SNX31: variants seen among roughly 807,000 people sequenced by gnomAD.
The protein encoded by SNX31 is sorting nexin-31.
SNX31 carries 58 observed loss-of-function variants against 65.4 expected under a neutral mutation model. That is an observed-to-expected ratio of 0.89 (90% CI 0.72 to 1.10). SNX31 has a LOEUF of 1.10. Ranked by LOEUF, SNX31 falls within the 50% of genes least tolerant of loss-of-function variation. SNX31 has a pLI of 0.00. For missense variants in SNX31, 523 were observed against 529.7 expected (o/e 0.99, Z 0.12); for synonymous variants, 181 against 190.1 (o/e 0.95, Z 0.39).
rs1221434965 is a variant in SNX31, at chr8:100,660,166, A to G, written c.-58+2976T>C. On this transcript the variant is annotated intron_variant, in intron 1 of 5. Coordinates refer to the SNX31 transcript ENST00000520352. This position sits in a 1 kb window ranked among gnomAD's most constrained non-coding sequence, Gnocchi z 4.1. ...ATTAGTTACCTTTCTCTGAGCACTT[A>G]CCATCTTCCAGAGAACCATTTTACG... Among the ~76,000 whole-genome samples, 1 of 152,226 alleles carries G rather than the reference A, an allele frequency of 6.6e-6. No homozygotes were observed. The highest frequency in any genetic ancestry group is 1.9e-4 in the East Asian group (1 of 5,206).
In SNX31 at chr8:100,610,065, A is replaced by G. The variant is rs1816567553; in HGVS notation, c.612-1502T>C. On this transcript the variant is annotated intron_variant, in intron 7 of 13. Coordinates refer to ENST00000311812, the MANE Select transcript of SNX31 (RefSeq NM_152628.4). This position sits in a 1 kb window ranked among gnomAD's most constrained non-coding sequence, Gnocchi z 4.0. ...GAGGGCAAGGCACCTGCAGGAGCCT[A>G]TGCCAGAATCTCCCCTCCAGAGACC... 1.3e-5 allele frequency among the ~76,000 whole-genome samples: 2 copies of G among 152,248 alleles called. No individual in the cohort carries two copies. Among genetic ancestry groups the G allele is most frequent in the Admixed American group, 1.3e-4 (2 of 15,288 alleles).
intron 4 of SNX31, chr8:100,618,481 C>A: frequency 3.0e-6 from 2 of 656,558 alleles, no homozygotes; most frequent in South Asian, 3.7e-5. Context: ...CAATTCAATT[C>A]AATTATGACA....
In SNX31 at chr8:100,657,863, T is replaced by A. The variant is rs1431294540; in HGVS notation, c.-58+5279A>T. 3 of 393,594 alleles carry A rather than the reference T, an allele frequency of 7.6e-6. No individual in the cohort carries two copies. In the East Asian group the frequency reaches 2.4e-4, roughly 32 times the overall value. The allele number at this position is 393,594 out of a possible 1,614,324, so 24.4% of individuals were successfully genotyped here. A position where few individuals can be genotyped will look rare whatever the true frequency, so the allele number is the denominator to read the frequency against. On this transcript the variant is annotated intron_variant, in intron 1 of 5. Coordinates refer to the SNX31 transcript ENST00000520352. ...TCCAGCCTGGGTGACAAAGGTAGAC[T>A]CCATCTCAAAAGAAAACAAAAAAAC...
intron 11 of SNX31, among the ~76,000 whole-genome samples, chr8:100,584,649 T>TG (rs1192032169): frequency 6.6e-6 from 1 of 152,042 alleles, no homozygotes; most frequent in Non-Finnish European, 1.5e-5. Context: ...AACTGGTTTG[T>TG]TTGAAGGAAT....
At chr8:100,587,919 T>TA (rs1814198561) in intron 11 of SNX31, among the ~76,000 whole-genome samples, 1 of 152,162 alleles carries the variant, frequency 6.6e-6, no homozygotes, top group Admixed American at 6.5e-5. Context: ...GCAAACAACA[T>TA]AGAGTGTAGT....
At position 100,648,497 on chromosome 8, in the gene SNX31, T is replaced by C. The variant is rs1053277149; in HGVS notation, c.141+777A>G. Among the ~76,000 whole-genome samples the C allele has an allele frequency of 2.0e-5, 3 of 152,186 alleles. No homozygotes were observed. Among genetic ancestry groups the C allele is most frequent in the African/African-American group, 7.2e-5 (3 of 41,510 alleles). ...GTTTTTAATGTTAGGTATGTGCTGT[T>C]TATAACCTAAAATCTAAAACAAAAA... On this transcript the variant is annotated intron_variant, in intron 2 of 13. Transcript: ENST00000311812. This position sits in a 1 kb window ranked among gnomAD's most constrained non-coding sequence, Gnocchi z 4.3.
chr8:100,593,601 G>A (rs543973841), intron 10 of SNX31, among the ~76,000 whole-genome samples: 82 of 151,902 alleles, frequency 5.4e-4, no homozygotes, highest in African/African-American at 1.1e-3. Context: ...TTACAGATGC[G>A]CCCCACCACG....
chr8:100,593,993 G>A (rs1159764488), intron 10 of SNX31, among the ~76,000 whole-genome samples: 1 of 152,070 alleles, frequency 6.6e-6, no homozygotes, highest in Non-Finnish European at 1.5e-5. Flanking sequence ...AAAAGACCTT[G>A]TTTAAGAGGA....
chr8:100,580,289 T>G (rs2130786249), intron 12 of SNX31, among the ~76,000 whole-genome samples: 1 of 152,296 alleles, frequency 6.6e-6, no homozygotes, highest in South Asian at 2.1e-4. Flanking sequence ...CAGAAATTCC[T>G]TAGGAACACA....
chr8:100,640,140 T>TTTTCTTTTCTTTTCTTTTC (rs60457437), intron 2 of SNX31, among the ~76,000 whole-genome samples: 1 of 151,960 alleles, frequency 6.6e-6, no homozygotes, highest in African/African-American at 2.4e-5. Context: ...CTTTTCTTTT[T>TTTTCTTTTCTTTTCTTTTC]TTTGGAGACA....
upstream of SNX31, among the ~76,000 whole-genome samples, chr8:100,650,611 C>A (rs750949523): frequency 6.6e-6 from 1 of 152,162 alleles, no homozygotes; most frequent in African/African-American, 2.4e-5. Flanking sequence ...GTGCCTCCTG[C>A]GTGCTTGCTG....
Position 100,610,834 on chromosome 8 carries a change from G to A in SNX31, c.611+1166C>T, listed in dbSNP as rs966482765. Among the ~76,000 whole-genome samples, 4 of 152,176 alleles carry A rather than the reference G, an allele frequency of 2.6e-5. No homozygotes were observed. Among genetic ancestry groups the A allele is most frequent in the Admixed American group, 1.3e-4 (2 of 15,280 alleles). ...CCACAAACTGGAGCTCTAGAGCAAGGCATCACAAGGTCAAGGGAATTCTTA... is the reference window on the plus strand; with the variant it reads ...CCACAAACTGGAGCTCTAGAGCAAGACATCACAAGGTCAAGGGAATTCTTA... On this transcript the variant is annotated intron_variant, in intron 7 of 13. Transcript: ENST00000311812. The surrounding 1 kb of genome is among the most constrained non-coding windows in gnomAD (Gnocchi z 4.0).
intron 4 of SNX31, among the ~76,000 whole-genome samples, chr8:100,623,854 T>C (rs552807568): frequency 1.3e-5 from 2 of 152,126 alleles, no homozygotes; most frequent in African/African-American, 2.4e-5. Context: ...GGGTAGATCA[T>C]CTCGAAGGGA....
Position 100,648,379 on chromosome 8 carries a change from T to C in SNX31, c.141+895A>G, listed in dbSNP as rs1819792066. 6.7e-6 allele frequency among the ~76,000 whole-genome samples: 1 copy of C among 149,746 alleles called. No individual in the cohort carries two copies. The highest frequency in any genetic ancestry group is 2.5e-5 in the African/African-American group (1 of 40,660). ...GTCTCGGCTATGTTGCCCAGGCTGG[T>C]CTCAAACTCTGGGACTCAAGTAATC... On this transcript the variant is annotated intron_variant, in intron 2 of 13. Transcript: ENST00000311812. The surrounding 1 kb of genome is among the most constrained non-coding windows in gnomAD (Gnocchi z 4.3).
chr8:100,630,587 C>A lies in SNX31; in HGVS notation c.257-196G>T, dbSNP rs934245344. On this transcript the variant is annotated intron_variant, in intron 3 of 13. Transcript: ENST00000311812. The surrounding 1 kb of genome is among the most constrained non-coding windows in gnomAD (Gnocchi z 5.3). ...TATAGGCAGCCTTAACAACAGGAAC[C>A]CATGACACCCATCCAGGGTGACAGT... Among the ~76,000 whole-genome samples the A allele has an allele frequency of 2.6e-5, 4 of 152,188 alleles. No individual in the cohort carries two copies. The highest frequency in any genetic ancestry group is 6.5e-5 in the Admixed American group (1 of 15,278).
chr8:100,602,109 C>T (rs1029795860), intron 8 of SNX31, among the ~76,000 whole-genome samples: 9 of 152,194 alleles, frequency 5.9e-5, no homozygotes, highest in African/African-American at 1.7e-4. Flanking sequence ...ACCCCGCGCC[C>T]GTCGTCTCAG....
At chr8:100,635,855 T>C (rs757514662) in intron 3 of SNX31, 42 bp downstream of exon 3, 7 of 1,395,098 alleles carry the variant, frequency 5.0e-6, no homozygotes, top group Non-Finnish European at 7.1e-6. Context: ...ATAGCTTACA[T>C]TGCAATAAAT....
intron 13 of SNX31, among the ~76,000 whole-genome samples, chr8:100,574,585 A>G (rs990487661): frequency 6.8e-6 from 1 of 146,764 alleles, no homozygotes; most frequent in Non-Finnish European, 1.5e-5. Flanking sequence ...GTGAGCCAAG[A>G]TTGTGCCACT....
At chr8:100,596,147 C>T (rs1815070874) in intron 10 of SNX31, among the ~76,000 whole-genome samples, 2 of 152,102 alleles carry the variant, frequency 1.3e-5, no homozygotes, top group South Asian at 4.1e-4. Flanking sequence ...GTCTTATAGG[C>T]TGAATTAAAT....
Sources: gnomAD v4.1 joint callset for allele counts (sites outside exome capture counted in the v4.1 genomes callset) on GRCh38, gnomAD v4.1.1 for gene constraint, Gnocchi (gnomAD v3.1) non-coding constraint, MANE v1.5 for transcripts, NCBI Gene and HGNC (gene_info 2026-07-23, HGNC 2026-07-21) for gene names.